ZC3H7A: variants seen among roughly 807,000 people sequenced by gnomAD.
ZC3H7A encodes zinc finger CCCH domain-containing protein 7A.
A neutral mutation model predicts 125.5 loss-of-function variants in ZC3H7A; 44 were observed. The observed-to-expected ratio is 0.35, with a 90% confidence interval of 0.28 to 0.45. ZC3H7A has a LOEUF of 0.45. Among genes scored for constraint, ZC3H7A ranks in the 20% least tolerant of loss-of-function variants. The probability of loss-of-function intolerance (pLI) is 1.00; values close to 1 mark genes in which losing one functional copy is unlikely to be tolerated. For missense variants in ZC3H7A, 977 were observed against 1,170.7 expected (o/e 0.83, Z 2.41); for synonymous variants, 399 against 391.2 (o/e 1.02, Z -0.23).
At chr16:11,763,113 G>GTT (rs762463810) in intron 16 of ZC3H7A, 503 of 186,938 alleles carry the variant, frequency 2.7e-3, no homozygotes, top group South Asian at 6.7e-3. Flanking sequence ...ATTCCTTTTT[G>GTT]TTTTTTTTTT....
intron 9 of ZC3H7A, among the ~76,000 whole-genome samples, chr16:11,774,031 C>G (rs2053035883): frequency 6.6e-6 from 1 of 151,792 alleles, no homozygotes; most frequent in Non-Finnish European, 1.5e-5. Context: ...AAAAAATTGG[C>G]TAATTACTAG....
chr16:11,796,661 A>G (rs979407166), intron 1 of ZC3H7A: 3 of 152,210 alleles, frequency 2.0e-5, no homozygotes, highest in African/African-American at 7.2e-5. Context: ...CGCGCGAAAA[A>G]ATAAAAAAAT....
At chr16:11,775,288 T>C (rs2053060149) in intron 7 of ZC3H7A, among the ~76,000 whole-genome samples, 1 of 151,884 alleles carries the variant, frequency 6.6e-6, no homozygotes, top group African/African-American at 2.4e-5. Context: ...AGAGAACTGC[T>C]TGAACCCGGG....
At position 11,774,331 on chromosome 16, in the gene ZC3H7A, T is replaced by C. The variant is rs747480444; in HGVS notation, c.808A>G (p.Met270Val). ...CCATCATCTAGAAAAGCTTCTGGCA[T>C]AGTGAAGGGCATCTTTCCTCCATTT... ...LANGGKMPFT[M>V]PEAFLDDGDM... Residue 270 changes from methionine to valine, a missense_variant, in exon 9 of 23, where the codon ATG becomes GTG. By Grantham distance (21) the Met-to-Val change is conservative. Coordinates refer to ENST00000355758, the MANE Select transcript of ZC3H7A (RefSeq NM_014153.4). 24 of 1,613,938 alleles carry C rather than the reference T, an allele frequency of 1.5e-5. No individual in the cohort carries two copies. Among genetic ancestry groups the C allele is most frequent in the Middle Eastern group, 3.3e-4 (2 of 6,084 alleles).
chr16:11,788,608 T>TTTTC (rs888097169), intron 1 of ZC3H7A, among the ~76,000 whole-genome samples: 2 of 151,328 alleles, frequency 1.3e-5, no homozygotes, highest in Non-Finnish European at 2.9e-5. Context: ...GCTTTCTTTT[T>TTTTC]TTTCTTTCTT....
chr16:11,792,938 C>A (rs923295058), intron 1 of ZC3H7A, among the ~76,000 whole-genome samples: 2 of 152,124 alleles, frequency 1.3e-5, no homozygotes, highest in Non-Finnish European at 2.9e-5. Flanking sequence ...CACACGCATG[C>A]GTGTGCACTT....
chr16:11,783,692 G>A (rs2053209479), intron 1 of ZC3H7A, among the ~76,000 whole-genome samples: 1 of 152,160 alleles, frequency 6.6e-6, no homozygotes, highest in African/African-American at 2.4e-5. Context: ...CCAGGTGACA[G>A]GAAGGGAAAT....
intron 1 of ZC3H7A, among the ~76,000 whole-genome samples, chr16:11,792,060 A>T (rs2053364168): frequency 1.3e-5 from 2 of 152,120 alleles, no homozygotes; most frequent in Admixed American, 1.3e-4. Flanking sequence ...AGCACATGCC[A>T]CTATACCTGA....
At chr16:11,777,277 C>T (rs1374119979) in intron 4 of ZC3H7A, among the ~76,000 whole-genome samples, 3 of 152,152 alleles carry the variant, frequency 2.0e-5, no homozygotes, top group South Asian at 4.1e-4. Flanking sequence ...CAAACAGAAA[C>T]GTAACTCCAA....
At chr16:11,782,655 T>C (rs1328771046) in intron 1 of ZC3H7A, 1 of 221,636 alleles carries the variant, frequency 4.5e-6, no homozygotes, top group African/African-American at 2.4e-5. Context: ...TTGCCCAGGC[T>C]GGAGTGCAGT....
intron 17 of ZC3H7A, 95 bp from the exon 18 acceptor site, chr16:11,762,138 G>A: frequency 7.8e-7 from 1 of 1,274,022 alleles, no homozygotes; most frequent in South Asian, 1.6e-5. Context: ...TTTCACAATA[G>A]TATACAATTT....
intron 9 of ZC3H7A, 141 bp downstream of exon 9, chr16:11,774,095 A>C (rs1596392712): frequency 1.2e-6 from 1 of 805,738 alleles, no homozygotes; most frequent in East Asian, 3.2e-5. Flanking sequence ...TCAGTAGAGA[A>C]GAAAAAAAGT....
At chr16:11,760,122 G>GAA (rs66812605) in intron 19 of ZC3H7A, among the ~76,000 whole-genome samples, 2,221 of 82,380 alleles carry the variant, frequency 0.027, 126 homozygotes, top group African/African-American at 0.11. Context: ...AAGAAAAAAT[G>GAA]AAAAAAAAAA....
chr16:11,785,456 C>A (rs562225979), intron 1 of ZC3H7A, among the ~76,000 whole-genome samples: 1 of 150,356 alleles, frequency 6.7e-6, no homozygotes, highest in African/African-American at 2.4e-5. Context: ...TAGTGAGCTA[C>A]GATTGTGCCA....
intron 15 of ZC3H7A, among the ~76,000 whole-genome samples, chr16:11,764,770 A>G (rs2052825848): frequency 6.6e-6 from 1 of 152,100 alleles, no homozygotes; most frequent in African/African-American, 2.4e-5. Flanking sequence ...TTGTTGAATT[A>G]ATTGGGGGGG....
intron 21 of ZC3H7A, among the ~76,000 whole-genome samples, chr16:11,754,955 A>C (rs2052616156): frequency 6.6e-6 from 1 of 150,794 alleles, no homozygotes; most frequent in African/African-American, 2.4e-5. Context: ...CATGCCTGTA[A>C]TCCCACGGTT....
At position 11,765,389 on chromosome 16, in the gene ZC3H7A, T is replaced by G; in HGVS notation, c.1719+100A>C. ...ATTTATCATATAAATAAATGAATAT[T>G]TATTCATTTACCAAGTGAATGTTTT... On this transcript the variant is annotated intron_variant, in intron 14 of 22. Transcript: ENST00000355758. This position sits in a 1 kb window ranked among gnomAD's most constrained non-coding sequence, Gnocchi z 4.8. The G allele has an allele frequency of 1.3e-6, 1 of 770,572 alleles. No individual in the cohort carries two copies. The highest frequency in any genetic ancestry group is 2.8e-5 in the East Asian group (1 of 36,286). 47.7% of individuals were successfully genotyped at this position (770,572 alleles called of 1,614,324 possible).
intron 18 of ZC3H7A, 74 bp downstream of exon 18, chr16:11,761,836 G>A: frequency 1.3e-6 from 2 of 1,566,032 alleles, no homozygotes; most frequent in South Asian, 2.4e-5. Flanking sequence ...TAAACTTTTT[G>A]CTTATGTGTA....
chr16:11,787,196 G>A (rs1230946785), intron 1 of ZC3H7A, among the ~76,000 whole-genome samples: 1 of 152,124 alleles, frequency 6.6e-6, no homozygotes, highest in East Asian at 1.9e-4. Context: ...TAGCTACTCA[G>A]GAGGCTAAGG....
Sources: gnomAD v4.1 joint callset for allele counts (sites outside exome capture counted in the v4.1 genomes callset) on GRCh38, gnomAD v4.1.1 for gene constraint, Gnocchi (gnomAD v3.1) non-coding constraint, MANE v1.5 for transcripts, NCBI Gene and HGNC (gene_info 2026-07-23, HGNC 2026-07-21) for gene names.